The following CREBBP variants were observed in gnomAD, a reference collection of about 807,000 sequenced individuals.
CREBBP encodes the protein CREB binding lysine acetyltransferase.
Under a neutral mutation model 265.0 loss-of-function variants are expected in CREBBP, and 19 were observed. The ratio of observed to expected loss-of-function variants is 0.07; its 90% CI spans 0.05 to 0.11. CREBBP has a LOEUF of 0.11. CREBBP is among the 10% of genes least tolerant of loss of function. CREBBP has a pLI of 1.00. For synonymous variants in CREBBP, 1,457 were observed against 1,223.7 expected (o/e 1.19, Z -3.98); for missense variants, 2,525 against 3,219.0 (o/e 0.78, Z 5.22).
At chr16:3,836,260 C>A (rs2054447609) in intron 2 of CREBBP, among the ~76,000 whole-genome samples, 3 of 151,386 alleles carry the variant, frequency 2.0e-5, no homozygotes, top group Admixed American at 2.0e-4. Context: ...ATGGTGAAAC[C>A]CTATCTCTAC....
chr16:3,772,856 G>T (rs1235830352), intron 13 of CREBBP, among the ~76,000 whole-genome samples: 1 of 148,942 alleles, frequency 6.7e-6, no homozygotes, highest in Non-Finnish European at 1.5e-5. Context: ...GATCACCTGA[G>T]GTCAGGAGAT....
At chr16:3,761,574 T>A (rs1161141175) in intron 16 of CREBBP, 1 of 518,670 alleles carries the variant, frequency 1.9e-6, no homozygotes, top group South Asian at 1.4e-5. Context: ...ATACAGACTC[T>A]TGACCAACCT....
chr16:3,813,007 C>T (rs139380869), intron 2 of CREBBP: 6 of 222,384 alleles, frequency 2.7e-5, no homozygotes, highest in Non-Finnish European at 4.5e-5. Flanking sequence ...TCAAACTCCT[C>T]GCCTGTAAGA....
chr16:3,735,418 T>A (rs2052029652), intron 28 of CREBBP, among the ~76,000 whole-genome samples: 2 of 152,062 alleles, frequency 1.3e-5, no homozygotes, highest in South Asian at 4.1e-4. Context: ...TGCCTCAACC[T>A]CCCTCGTAGC....
In CREBBP at chr16:3,808,160, G is replaced by A. The variant is rs191897196; in HGVS notation, c.975+2443C>T. On this transcript the variant is annotated intron_variant, in intron 3 of 30. Transcript: ENST00000262367. ...GGGAGAGGGAGGGATGAAAGAAGGG[G>A]GGGGCAGCGGGGGAGAGAGAGAGGC... is the stretch of plus-strand genomic sequence containing the variant. Among the ~76,000 whole-genome samples, 34 of 148,714 alleles carry A rather than the reference G, an allele frequency of 2.3e-4. No individual in the cohort carries two copies. In the East Asian group the frequency reaches 6.1e-3, roughly 27 times the overall value.
chr16:3,868,069 T>G (rs1283391645), intron 1 of CREBBP, among the ~76,000 whole-genome samples: 1 of 151,658 alleles, frequency 6.6e-6, no homozygotes, highest in Non-Finnish European at 1.5e-5. Context: ...GCAAAAAGAG[T>G]AAGAAGAGAC....
intron 23 of CREBBP, among the ~76,000 whole-genome samples, chr16:3,744,457 A>C (rs1005193012): frequency 6.6e-6 from 1 of 152,238 alleles, no homozygotes; most frequent in African/African-American, 2.4e-5. Context: ...TTCATCTAAA[A>C]CATGCGCTGA....
intron 1 of CREBBP, among the ~76,000 whole-genome samples, chr16:3,871,587 G>C (rs1021757037): frequency 1.3e-5 from 2 of 152,156 alleles, no homozygotes; most frequent in African/African-American, 4.8e-5. Flanking sequence ...TTATTTAAAT[G>C]TTGTACAAGC....
At chr16:3,742,311 G>C (rs753029944) in intron 23 of CREBBP, 10 of 152,210 alleles carry the variant, frequency 6.6e-5, no homozygotes, top group Non-Finnish European at 1.2e-4. Context: ...ACTCGATTTG[G>C]CCACTGTTCC....
At chr16:3,838,103 G>A (rs1171565774) in intron 2 of CREBBP, among the ~76,000 whole-genome samples, 1 of 152,060 alleles carries the variant, frequency 6.6e-6, no homozygotes, top group African/African-American at 2.4e-5. Flanking sequence ...TAAAGTGCTG[G>A]GATTGCAGGC....
chr16:3,755,709 T>C (rs1027191635), intron 19 of CREBBP, among the ~76,000 whole-genome samples: 2 of 152,194 alleles, frequency 1.3e-5, no homozygotes, highest in East Asian at 3.8e-4. Context: ...GAAGGGGCTA[T>C]GGTATCATTT....
intron 2 of CREBBP, among the ~76,000 whole-genome samples, chr16:3,835,484 G>A (rs1487370608): frequency 2.0e-5 from 3 of 151,634 alleles, no homozygotes; most frequent in African/African-American, 7.3e-5. Flanking sequence ...TCCTTGTACA[G>A]TGAATTTCGT....
chr16:3,849,457 G>C (rs2054773871), intron 2 of CREBBP, among the ~76,000 whole-genome samples: 1 of 122,310 alleles, frequency 8.2e-6, no homozygotes, highest in African/African-American at 3.0e-5. Flanking sequence ...GTGTGTGTGT[G>C]TGTGTGTGTG....
chr16:3,836,803 C>A (rs931003688), intron 2 of CREBBP, among the ~76,000 whole-genome samples: 3 of 152,126 alleles, frequency 2.0e-5, no homozygotes, highest in African/African-American at 7.2e-5. Flanking sequence ...AAACTACAGA[C>A]CTCATACACA....
At chr16:3,778,936 G>T (rs1418828842) in intron 8 of CREBBP, 119 bp from the exon 9 acceptor site, 3 of 784,946 alleles carry the variant, frequency 3.8e-6, no homozygotes, top group African/African-American at 3.5e-5. Flanking sequence ...GGAGGCTGAG[G>T]CGGGAGAATC....
At position 3,779,642 on chromosome 16, in the gene CREBBP, T is replaced by A. The variant is rs562326246; in HGVS notation, c.1824-825A>T. ...CCTGACCTATCAACTTATCTACACA[T>A]CAAACACATCAATATTTTGCTATTA... On this transcript the variant is annotated intron_variant, in intron 8 of 30. Transcript: ENST00000262367. Among the ~76,000 whole-genome samples, 11 of 152,296 alleles carry A rather than the reference T, an allele frequency of 7.2e-5. No individual in the cohort carries two copies. In the East Asian group the frequency reaches 2.1e-3, roughly 29 times the overall value.
Position 3,731,345 on chromosome 16 carries a change from G to C in CREBBP, c.5019C>G (p.Asp1673Glu), listed in dbSNP as rs1352711836. The change falls in exon 30 of 31, where the codon GAC (aspartate) becomes GAG (glutamate). Residue 1673 changes from aspartate to glutamate, a missense_variant. Transcript: ENST00000262367. The surrounding 1 kb of genome is among the most constrained non-coding windows in gnomAD (Gnocchi z 7.7). ...GRDAFLTLAR[D>E]KHWEFSSLRR... is the part of the protein sequence containing the mutation. ...GCAAGGAGGAGAACTCCCAGTGCTT[G>C]TCTCTGGCGAGGGTGAGGAAGGCGT... 6.2e-7 allele frequency: 1 copy of C among 1,614,036 alleles called. No individual in the cohort carries two copies. The highest frequency in any genetic ancestry group is 8.5e-7 in the Non-Finnish European group (1 of 1,179,968).
chr16:3,874,681 T>G (rs2055364737), intron 1 of CREBBP, among the ~76,000 whole-genome samples: 1 of 152,216 alleles, frequency 6.6e-6, no homozygotes, highest in African/African-American at 2.4e-5. Flanking sequence ...GTGGTCCAAC[T>G]GTAGCCCCTC....
intron 13 of CREBBP, 43 bp from the exon 14 acceptor site, chr16:3,771,029 T>C (rs1474918941): frequency 1.2e-6 from 2 of 1,607,742 alleles, no homozygotes; most frequent in Non-Finnish European, 1.7e-6. Flanking sequence ...TTTCCCCCGT[T>C]TGAAAATGTG....
Sources: gnomAD v4.1 joint callset for allele counts (sites outside exome capture counted in the v4.1 genomes callset) on GRCh38, gnomAD v4.1.1 for gene constraint, Gnocchi (gnomAD v3.1) non-coding constraint, MANE v1.5 for transcripts, NCBI Gene and HGNC (gene_info 2026-07-23, HGNC 2026-07-21) for gene names.